KIAA0232: variants seen among roughly 807,000 people sequenced by gnomAD.
The protein encoded by KIAA0232 is uncharacterized protein KIAA0232.
A neutral mutation model predicts 122.0 loss-of-function variants in KIAA0232; 27 were observed. The ratio of observed to expected loss-of-function variants is 0.22; its 90% CI spans 0.16 to 0.31. The LOEUF is 0.31. Ranked by LOEUF, KIAA0232 falls within the 10% of genes least tolerant of loss-of-function variation. The probability of loss-of-function intolerance (pLI) is 1.00; values close to 1 mark genes in which losing one functional copy is unlikely to be tolerated. For synonymous variants in KIAA0232, 613 were observed against 587.6 expected (o/e 1.04, Z -0.63); for missense variants, 1,551 against 1,634.2 (o/e 0.95, Z 0.88).
intron 9 of KIAA0232, among the ~76,000 whole-genome samples, chr4:6,879,486 G>A (rs752574284): frequency 8.5e-5 from 13 of 152,104 alleles, no homozygotes; most frequent in South Asian, 4.2e-4. Flanking sequence ...TTTTGCCCCC[G>A]TCTGCCTTTG....
chr4:6,825,349 G>C (rs1251963286), intron 3 of KIAA0232, among the ~76,000 whole-genome samples: 1 of 152,114 alleles, frequency 6.6e-6, no homozygotes, highest in Non-Finnish European at 1.5e-5. Context: ...CCAGGAGTTT[G>C]AGACCAGCCT....
At chr4:6,828,476 TGTTA>T (rs1303925809) in intron 3 of KIAA0232, among the ~76,000 whole-genome samples, 2 of 152,252 alleles carry the variant, frequency 1.3e-5, no homozygotes, top group Non-Finnish European at 2.9e-5. Flanking sequence ...AGTCATCAAT[TGTTA>T]GTATTTTCAC....
At chr4:6,809,565 GA>G (rs1717783100) in intron 2 of KIAA0232, among the ~76,000 whole-genome samples, 1 of 152,152 alleles carries the variant, frequency 6.6e-6, no homozygotes, top group African/African-American at 2.4e-5. Flanking sequence ...AACCTTTGTG[GA>G]AGTCCTAGTA....
chr4:6,795,188 A>C (rs1429195502), intron 1 of KIAA0232, among the ~76,000 whole-genome samples: 1 of 152,120 alleles, frequency 6.6e-6, no homozygotes, highest in Non-Finnish European at 1.5e-5. Flanking sequence ...CTCTTGCCTC[A>C]GCCTCCTGAG....
At chr4:6,859,839 G>T (rs186527577) in intron 6 of KIAA0232, among the ~76,000 whole-genome samples, 2 of 152,256 alleles carry the variant, frequency 1.3e-5, no homozygotes, top group African/African-American at 4.8e-5. Context: ...GAAATCTTCA[G>T]TGGCCCCCAG....
chr4:6,789,500 C>T (rs1182382747), intron 1 of KIAA0232, among the ~76,000 whole-genome samples: 3 of 152,012 alleles, frequency 2.0e-5, no homozygotes, highest in African/African-American at 4.8e-5. Context: ...TCTTGAACTC[C>T]TGACCTCATG....
chr4:6,858,529 A>G, intron 6 of KIAA0232, 23 bp downstream of exon 6: 1 of 1,482,082 alleles, frequency 6.7e-7, no homozygotes, highest in Non-Finnish European at 9.3e-7. Flanking sequence ...GTATTCGGTA[A>G]TAAAGTGTGC....
At chr4:6,838,555 C>A (rs1719473184) in intron 3 of KIAA0232, among the ~76,000 whole-genome samples, 1 of 151,992 alleles carries the variant, frequency 6.6e-6, no homozygotes, top group South Asian at 2.1e-4. Flanking sequence ...CTGACTGTTA[C>A]CTGATAGATA....
chr4:6,788,085 C>T (rs1357147756), intron 1 of KIAA0232, among the ~76,000 whole-genome samples: 2 of 152,180 alleles, frequency 1.3e-5, no homozygotes, highest in African/African-American at 4.8e-5. Context: ...GTCACTCATG[C>T]TGGAGTGCAG....
At chr4:6,856,442 T>C (rs1262202180) in intron 4 of KIAA0232, among the ~76,000 whole-genome samples, 1 of 152,160 alleles carries the variant, frequency 6.6e-6, no homozygotes, top group African/African-American at 2.4e-5. Flanking sequence ...TAATGAAAGA[T>C]TATTTGCTTG....
intron 4 of KIAA0232, among the ~76,000 whole-genome samples, chr4:6,853,927 T>G (rs1720430514): frequency 6.6e-6 from 1 of 152,082 alleles, no homozygotes; most frequent in Non-Finnish European, 1.5e-5. Flanking sequence ...CCATCATCAT[T>G]TAACTCTTCA....
intron 1 of KIAA0232, among the ~76,000 whole-genome samples, chr4:6,794,492 T>G (rs1357592938): frequency 6.6e-6 from 1 of 152,072 alleles, no homozygotes; most frequent in African/African-American, 2.4e-5. Context: ...AGACTGATAA[T>G]ACAAATAAGC....
At position 6,884,089 on chromosome 4, in the gene KIAA0232, G is replaced by A. The variant is rs1204924081; in HGVS notation, c.*3123G>A. On this transcript the variant is annotated 3_prime_UTR_variant, in exon 10 of 10. Coordinates refer to ENST00000307659, the MANE Select transcript of KIAA0232 (RefSeq NM_014743.3). Reference sequence around the variant, plus strand: ...CTGAATAACGTTTCTATGGACATCTGTAAACATGTATGAGGGGACTTTTAA... The same window carrying A: ...CTGAATAACGTTTCTATGGACATCTATAAACATGTATGAGGGGACTTTTAA... The A allele has an allele frequency of 6.6e-6, 1 of 152,124 alleles. No homozygotes were observed. The highest frequency in any genetic ancestry group is 2.4e-5 in the African/African-American group (1 of 41,418). The allele number at this position is 152,124 out of a possible 1,614,324, so 9.4% of individuals were successfully genotyped here. A position where few individuals can be genotyped will look rare whatever the true frequency, so the allele number is the denominator to read the frequency against.
intron 3 of KIAA0232, among the ~76,000 whole-genome samples, chr4:6,841,345 G>A (rs1007597566): frequency 6.6e-6 from 1 of 152,180 alleles, no homozygotes; most frequent in African/African-American, 2.4e-5. Context: ...ACTTAAGTTA[G>A]CAAGGCGCTT....
chr4:6,789,363 T>C (rs1034273571), intron 1 of KIAA0232, among the ~76,000 whole-genome samples: 4 of 151,562 alleles, frequency 2.6e-5, no homozygotes, highest in Non-Finnish European at 4.4e-5. Flanking sequence ...AACCTCTGTC[T>C]CGTGGGTTCA....
intron 3 of KIAA0232, among the ~76,000 whole-genome samples, chr4:6,826,254 T>C (rs1268935941): frequency 6.6e-6 from 1 of 152,188 alleles, no homozygotes; most frequent in Non-Finnish European, 1.5e-5. Context: ...TCAAGTAAGG[T>C]TTTGAAGGGA....
chr4:6,807,273 A>G (rs1161578358), intron 2 of KIAA0232, among the ~76,000 whole-genome samples: 1 of 152,214 alleles, frequency 6.6e-6, no homozygotes, highest in Non-Finnish European at 1.5e-5. Context: ...ATTTATGAAA[A>G]TATTTGCTAC....
intron 8 of KIAA0232, among the ~76,000 whole-genome samples, chr4:6,873,792 G>A (rs1721616354): frequency 6.6e-6 from 1 of 152,132 alleles, no homozygotes; most frequent in Non-Finnish European, 1.5e-5. Context: ...ATGACCTTTA[G>A]CTCACACTGT....
At chr4:6,802,597 C>T (rs975905274) in intron 1 of KIAA0232, among the ~76,000 whole-genome samples, 6 of 148,298 alleles carry the variant, frequency 4.0e-5, no homozygotes, top group African/African-American at 1.3e-4. Context: ...GTCTTATGTA[C>T]GAACAGAGTT....
Sources: allele counts gnomAD v4.1 joint callset (sites outside exome capture counted in the v4.1 genomes callset), GRCh38; gene constraint gnomAD v4.1.1; transcripts MANE v1.5; gene names NCBI Gene and HGNC (gene_info 2026-07-23, HGNC 2026-07-21).